The following XPR1 variants were observed in gnomAD, a reference collection of about 807,000 sequenced individuals.
XPR1 encodes the protein xenotropic and polytropic retrovirus receptor 1, also known as solute carrier family 53 member 1.
Under a neutral mutation model 87.5 loss-of-function variants are expected in XPR1, and 28 were observed. That is an observed-to-expected ratio of 0.32 (90% CI 0.24 to 0.44). The LOEUF is 0.44. Among genes scored for constraint, XPR1 ranks in the 20% least tolerant of loss-of-function variants. The pLI, the probability that XPR1 is intolerant of heterozygous loss-of-function variation, is 1.00. For missense variants in XPR1, 559 were observed against 862.3 expected (o/e 0.65, Z 4.41); for synonymous variants, 300 against 306.1 (o/e 0.98, Z 0.21).
intron 11 of XPR1, among the ~76,000 whole-genome samples, chr1:180,856,093 C>T (rs1443513845): frequency 5.3e-5 from 8 of 151,984 alleles, no homozygotes; most frequent in African/African-American, 1.7e-4. Context: ...GTCTTTTTTC[C>T]TTTTCTCTAT....
intron 2 of XPR1, among the ~76,000 whole-genome samples, chr1:180,763,057 C>G (rs182515336): frequency 5.3e-4 from 80 of 152,292 alleles, no homozygotes; most frequent in Admixed American, 1.6e-3. Context: ...TATTCCTTGA[C>G]AGCTGTTCAT....
At chr1:180,809,058 A>G (rs947333549) in intron 6 of XPR1, among the ~76,000 whole-genome samples, 10 of 152,220 alleles carry the variant, frequency 6.6e-5, no homozygotes, top group Non-Finnish European at 1.3e-4. Context: ...ATATCCATAC[A>G]ATGAAACACT....
At chr1:180,775,997 C>G (rs567822183) in intron 2 of XPR1, among the ~76,000 whole-genome samples, 1 of 152,118 alleles carries the variant, frequency 6.6e-6, no homozygotes, top group Non-Finnish European at 1.5e-5. Flanking sequence ...TTGTCTCTTA[C>G]GCAATCTAAA....
At chr1:180,663,076 T>G (rs1655831979) in intron 1 of XPR1, among the ~76,000 whole-genome samples, 1 of 152,212 alleles carries the variant, frequency 6.6e-6, no homozygotes, top group African/African-American at 2.4e-5. Context: ...AAACAGCTGG[T>G]TTGAATTCTA....
chr1:180,774,870 G>C (rs926854397), intron 2 of XPR1, among the ~76,000 whole-genome samples: 23 of 152,172 alleles, frequency 1.5e-4, no homozygotes, highest in African/African-American at 5.5e-4. Flanking sequence ...TGGAGGCTGG[G>C]AAGTCCAGGA....
At chr1:180,854,003 T>C (rs2102194389) in intron 11 of XPR1, among the ~76,000 whole-genome samples, 1 of 152,226 alleles carries the variant, frequency 6.6e-6, no homozygotes, top group East Asian at 1.9e-4. Flanking sequence ...CTGTGTTTTG[T>C]TGTAAAGGAA....
At chr1:180,667,649 T>C (rs567759731) in intron 1 of XPR1, among the ~76,000 whole-genome samples, 1 of 152,298 alleles carries the variant, frequency 6.6e-6, no homozygotes, top group Admixed American at 6.5e-5. Context: ...TCCTGTTCAG[T>C]TTTTTGGAAA....
At chr1:180,758,459 A>C (rs1464901551) in intron 2 of XPR1, among the ~76,000 whole-genome samples, 1 of 152,214 alleles carries the variant, frequency 6.6e-6, no homozygotes, top group African/African-American at 2.4e-5. Flanking sequence ...CTGTAATCCC[A>C]GCACTTGGGA....
chr1:180,749,699 T>C (rs1393714890), intron 2 of XPR1, among the ~76,000 whole-genome samples: 1 of 143,230 alleles, frequency 7.0e-6, no homozygotes, highest in East Asian at 2.0e-4. Context: ...GTTAAACATT[T>C]ATTAGCATAC....
chr1:180,868,587 G>A (rs1652460001), intron 12 of XPR1, among the ~76,000 whole-genome samples: 1 of 126,480 alleles, frequency 7.9e-6, no homozygotes, highest in Non-Finnish European at 1.6e-5. Context: ...TTGTGAATGG[G>A]AGTTCACTCA....
At chr1:180,640,682 T>A (rs1654935119) in intron 1 of XPR1, among the ~76,000 whole-genome samples, 1 of 152,166 alleles carries the variant, frequency 6.6e-6, no homozygotes, top group Non-Finnish European at 1.5e-5. Context: ...TTCACCTCTG[T>A]TAAATTATAT....
chr1:180,690,493 A>G (rs1029653453), intron 2 of XPR1, among the ~76,000 whole-genome samples: 2 of 152,118 alleles, frequency 1.3e-5, no homozygotes, highest in South Asian at 4.1e-4. Flanking sequence ...ATGAACTACA[A>G]TTCCTAAATA....
intron 2 of XPR1, among the ~76,000 whole-genome samples, chr1:180,704,187 C>T (rs945410094): frequency 1.5e-5 from 2 of 134,584 alleles, no homozygotes; most frequent in African/African-American, 5.5e-5. Flanking sequence ...AAGCTTGTTT[C>T]TATTCTGACT....
chr1:180,754,579 G>GCTTCCCGAGTAT, intron 2 of XPR1, among the ~76,000 whole-genome samples: 1 of 152,082 alleles, frequency 6.6e-6, no homozygotes, highest in South Asian at 2.1e-4. Context: ...GCCCACCTAG[G>GCTTCCCGAGTAT]CTTCCCGAGT....
At chr1:180,818,253 A>T (rs922845228) in intron 7 of XPR1, among the ~76,000 whole-genome samples, 5 of 152,004 alleles carry the variant, frequency 3.3e-5, no homozygotes, top group Non-Finnish European at 7.4e-5. Flanking sequence ...ATGTTCCTTT[A>T]AAGAAAAGTG....
chr1:180,827,901 G>C lies in XPR1; in HGVS notation c.1134+2557G>C, dbSNP rs937363341. Among the ~76,000 whole-genome samples, 3 of 140,874 alleles carry C rather than the reference G, an allele frequency of 2.1e-5. No homozygotes were observed. The Admixed American group carries it at 2.2e-4, about 10-fold the overall frequency. The allele number at this position is 140,874 out of a possible 152,430, so 92.4% of individuals were successfully genotyped here. On this transcript the variant is annotated intron_variant, in intron 9 of 14. Transcript: ENST00000367590. ...TTTAATTTTTTTTTTTTTTGAGACA[G>C]GGTCTGGCTCTATTGCCCAGGCTGA...
rs1395548379 is a variant in XPR1, at chr1:180,704,260, ATATATATATATATATATT to A, written c.121+21850_121+21867del. ...ATAGGTGCTGGATATATATATATAT[ATATATATATATATATATT>A]ATCAGATTATCTGTTTTGTTACTAC... On this transcript the variant is annotated intron_variant, in intron 2 of 14. Transcript: ENST00000367590. Among the ~76,000 whole-genome samples the A allele has an allele frequency of 3.6e-5, 5 of 137,068 alleles. No individual in the cohort carries two copies. In the East Asian group the frequency reaches 1.1e-3, roughly 30 times the overall value. The allele number at this position is 137,068 out of a possible 152,430, so 89.9% of individuals were successfully genotyped here.
At position 180,834,854 on chromosome 1, in the gene XPR1, T is replaced by C. The variant is rs1221741164; in HGVS notation, c.1135-20T>C. ...CGACTTTTCTTGTTTCTGTGTTTTC[T>C]GATTTTTTTTTTCTTTCAGTTTCGA... On this transcript the variant is annotated intron_variant, in intron 9 of 14. Coordinates refer to ENST00000367590, the MANE Select transcript of XPR1 (RefSeq NM_004736.4). The C allele has an allele frequency of 6.3e-7, 1 of 1,589,244 alleles. No homozygotes were observed. The highest frequency in any genetic ancestry group is 1.8e-5 in the Admixed American group (1 of 54,754).
At chr1:180,783,520 T>C (rs541649463) in intron 2 of XPR1, among the ~76,000 whole-genome samples, 5 of 152,196 alleles carry the variant, frequency 3.3e-5, no homozygotes, top group Admixed American at 2.0e-4. Context: ...CAGATTGTTA[T>C]GCATCCTTGC....
Sources: allele counts gnomAD v4.1 joint callset (sites outside exome capture counted in the v4.1 genomes callset), GRCh38; gene constraint gnomAD v4.1.1; transcripts MANE v1.5; gene names NCBI Gene and HGNC (gene_info 2026-07-23, HGNC 2026-07-21).